The following NEDD9 variants were observed in gnomAD, a reference collection of about 807,000 sequenced individuals.
NEDD9 encodes the protein enhancer of filamentation 1.
Under a neutral mutation model 76.6 loss-of-function variants are expected in NEDD9, and 26 were observed. The ratio of observed to expected loss-of-function variants is 0.34; its 90% CI spans 0.25 to 0.47. The LOEUF (loss-of-function observed/expected upper bound fraction) is 0.47, where lower values mean the gene tolerates loss of function less well. NEDD9 is among the 20% of genes least tolerant of loss of function. NEDD9 has a pLI of 1.00. For synonymous variants in NEDD9, 392 were observed against 414.2 expected (o/e 0.95, Z 0.65); for missense variants, 937 against 1,058.5 (o/e 0.89, Z 1.59).
At chr6:11,247,873 T>G (rs903376844) in intron 3 of NEDD9, among the ~76,000 whole-genome samples, 1 of 152,154 alleles carries the variant, frequency 6.6e-6, no homozygotes, top group African/African-American at 2.4e-5. Context: ...TGGGGTGTGT[T>G]GGTGATGCTT....
At chr6:11,323,671 TG>T (rs774520877) in intron 2 of NEDD9, among the ~76,000 whole-genome samples, 3 of 152,214 alleles carry the variant, frequency 2.0e-5, no homozygotes, top group Non-Finnish European at 4.4e-5. Flanking sequence ...TGAAAAACAC[TG>T]CTCTAAGCTA....
At chr6:11,351,016 G>A (rs1274015766) in intron 1 of NEDD9, among the ~76,000 whole-genome samples, 2 of 152,166 alleles carry the variant, frequency 1.3e-5, no homozygotes, top group Non-Finnish European at 2.9e-5. Context: ...CAATGATCAA[G>A]CGAATCAGCA....
At chr6:11,305,967 T>C in intron 3 of NEDD9, 2 of 1,613,446 alleles carry the variant, frequency 1.2e-6, no homozygotes, top group Non-Finnish European at 1.7e-6. Context: ...TCACAAATTG[T>C]CTGTTTTTTT....
chr6:11,355,715 G>T (rs1358788247), intron 1 of NEDD9, among the ~76,000 whole-genome samples: 4 of 147,580 alleles, frequency 2.7e-5, no homozygotes, highest in Non-Finnish European at 4.5e-5. Context: ...AGAGCTTTAG[G>T]TTTTTTTTTT....
intron 3 of NEDD9, among the ~76,000 whole-genome samples, chr6:11,250,849 A>T (rs1472772173): frequency 3.9e-5 from 6 of 152,200 alleles, no homozygotes; most frequent in African/African-American, 1.4e-4. Flanking sequence ...AACAACATTA[A>T]AATGATTCTT....
intron 2 of NEDD9, among the ~76,000 whole-genome samples, chr6:11,331,305 G>A (rs893583000): frequency 6.8e-6 from 1 of 146,584 alleles, no homozygotes; most frequent in African/African-American, 2.5e-5. Flanking sequence ...GAGATGTAGG[G>A]CTGAGAGAAT....
chr6:11,255,832 T>C (rs1468970458), intron 3 of NEDD9, among the ~76,000 whole-genome samples: 2 of 152,076 alleles, frequency 1.3e-5, no homozygotes, highest in East Asian at 1.9e-4. Context: ...TCTGGCTGCA[T>C]AGGAGGGGAG....
intron 2 of NEDD9, among the ~76,000 whole-genome samples, chr6:11,312,068 C>T (rs927495878): frequency 9.2e-5 from 14 of 152,088 alleles, no homozygotes; most frequent in African/African-American, 3.4e-4. Flanking sequence ...TCTACTTTCA[C>T]CACCTGCAGC....
intron 3 of NEDD9, among the ~76,000 whole-genome samples, chr6:11,295,330 T>G (rs907095797): frequency 1.3e-5 from 2 of 152,250 alleles, no homozygotes; most frequent in Admixed American, 6.5e-5. Context: ...TAACCCATTA[T>G]CAGATGGATG....
intron 2 of NEDD9, among the ~76,000 whole-genome samples, chr6:11,306,828 G>A (rs1433533846): frequency 6.6e-6 from 1 of 152,130 alleles, no homozygotes; most frequent in Non-Finnish European, 1.5e-5. Context: ...TAGATGCAAA[G>A]CCCAGAATTT....
intron 1 of NEDD9, among the ~76,000 whole-genome samples, chr6:11,348,295 A>G (rs1422009253): frequency 1.3e-5 from 2 of 152,224 alleles, no homozygotes; most frequent in Non-Finnish European, 2.9e-5. Flanking sequence ...ACAAACAAAT[A>G]GAAAAATATT....
chr6:11,288,098 A>G (rs1760687842), intron 3 of NEDD9, among the ~76,000 whole-genome samples: 1 of 152,158 alleles, frequency 6.6e-6, no homozygotes, highest in African/African-American at 2.4e-5. Flanking sequence ...AGATCACTAG[A>G]GGTGGTCATG....
intron 2 of NEDD9, among the ~76,000 whole-genome samples, chr6:11,207,223 G>A (rs1432058086): frequency 6.6e-6 from 1 of 152,188 alleles, no homozygotes; most frequent in African/African-American, 2.4e-5. Flanking sequence ...AAGTCATGCT[G>A]CTAATATATA....
At chr6:11,332,666 C>G (rs1458594237) in intron 2 of NEDD9, among the ~76,000 whole-genome samples, 1 of 152,212 alleles carries the variant, frequency 6.6e-6, no homozygotes, top group Admixed American at 6.5e-5. Flanking sequence ...GACCTCCCAA[C>G]TAACCTGTGA....
chr6:11,350,830 C>T (rs1762453694), intron 1 of NEDD9, among the ~76,000 whole-genome samples: 1 of 152,104 alleles, frequency 6.6e-6, no homozygotes, highest in African/African-American at 2.4e-5. Flanking sequence ...CGTAGGTAAA[C>T]ACTCGGGGGC....
intron 3 of NEDD9, among the ~76,000 whole-genome samples, chr6:11,242,836 A>G (rs1759734232): frequency 1.3e-5 from 2 of 152,228 alleles, no homozygotes; most frequent in Non-Finnish European, 2.9e-5. Flanking sequence ...CAGATTTTAG[A>G]AAGAGATTTA....
At chr6:11,358,745 T>C (rs996887721) in intron 1 of NEDD9, among the ~76,000 whole-genome samples, 1 of 152,170 alleles carries the variant, frequency 6.6e-6, no homozygotes, top group Non-Finnish European at 1.5e-5. Flanking sequence ...ACAAAATACA[T>C]GCAGTCTTCC....
chr6:11,213,697 C>G lies in NEDD9; in HGVS notation c.43G>C (p.Val15Leu). Residue 15 changes from valine (V) to leucine (L), a missense_variant, in exon 2 of 7, where the codon GTC (valine) becomes CTC (leucine). Coordinates refer to ENST00000379446, the MANE Select transcript of NEDD9 (RefSeq NM_006403.4). This position sits in a 1 kb window ranked among gnomAD's most constrained non-coding sequence, Gnocchi z 5.4. ...NLMARALYDN[V>L]PECAEELAFR... ...GCCAGTTCCTCGGCACACTCTGGGA[C>G]ATTGTCATATAAGGCCCTTGCCATA... is the stretch of plus-strand genomic sequence containing the variant. 3.7e-6 allele frequency: 6 copies of G among 1,614,110 alleles called. No individual in the cohort carries two copies. The highest frequency in any genetic ancestry group is 5.1e-6 in the Non-Finnish European group (6 of 1,180,020).
At chr6:11,261,900 A>T (rs566433987) in intron 3 of NEDD9, among the ~76,000 whole-genome samples, 1 of 152,154 alleles carries the variant, frequency 6.6e-6, no homozygotes, top group Non-Finnish European at 1.5e-5. Context: ...GATGTGTTAG[A>T]TTCTCGTCTT....
Sources: gnomAD v4.1 joint callset for allele counts (sites outside exome capture counted in the v4.1 genomes callset) on GRCh38, gnomAD v4.1.1 for gene constraint, Gnocchi (gnomAD v3.1) non-coding constraint, MANE v1.5 for transcripts, NCBI Gene and HGNC (gene_info 2026-07-23, HGNC 2026-07-21) for gene names.